PARVB: variants seen among roughly 807,000 people sequenced by gnomAD.
The protein encoded by PARVB is parvin beta, also known as beta-parvin.
Under a neutral mutation model 47.0 loss-of-function variants are expected in PARVB, and 46 were observed. That is an observed-to-expected ratio of 0.98 (90% CI 0.77 to 1.25). The LOEUF is 1.25. Ranked by LOEUF, PARVB falls within the 50% of genes most tolerant of loss-of-function variation. PARVB has a pLI of 0.00. For synonymous variants in PARVB, 196 were observed against 196.3 expected, an observed-to-expected ratio of 1.00 and a Z score of 0.01; for missense variants, 473 against 471.6, an observed-to-expected ratio of 1.00 and a Z score of -0.03.
upstream of PARVB, among the ~76,000 whole-genome samples, chr22:44,023,527 T>TAAAACAAAACAAAAC (rs1017139457): frequency 7.9e-4 from 74 of 93,326 alleles, no homozygotes; most frequent in Non-Finnish European, 7.8e-4. Context: ...TAAAATAAAA[T>TAAAACAAAACAAAAC]AAAACAAAAC....
chr22:43,999,661 G>T (rs2050391160), exon 2 of PARVB: 1 of 1,612,718 alleles, frequency 6.2e-7, no homozygotes, highest in Non-Finnish European at 8.5e-7. Flanking sequence ...ATCTGAATAT[G>T]CTCAAGGAGG....
upstream of PARVB, among the ~76,000 whole-genome samples, chr22:44,022,829 T>C (rs1233441681): frequency 6.6e-6 from 1 of 151,844 alleles, no homozygotes; most frequent in Non-Finnish European, 1.5e-5. Flanking sequence ...CCACTGCAAC[T>C]TCCACCTCCC....
rs1246936063 is a variant in PARVB, at chr22:44,068,792, T to A, written c.113-25136T>A. ...GGCAGTGGGAGGCCAATGTCTGTTG[T>A]TCAGTTTAGCTCTGAGCCACGTGCA... On this transcript the variant is annotated intron_variant, in intron 1 of 12. Coordinates refer to ENST00000338758, the MANE Select transcript of PARVB (RefSeq NM_013327.5). The surrounding 1 kb of genome is among the most constrained non-coding windows in gnomAD (Gnocchi z 4.1). Among the ~76,000 whole-genome samples the A allele has an allele frequency of 1.3e-5, 2 of 152,144 alleles. No individual in the cohort carries two copies. Among genetic ancestry groups the A allele is most frequent in the Non-Finnish European group, 2.9e-5 (2 of 68,010 alleles).
At chr22:44,085,746 T>C (rs1448246354) in intron 1 of PARVB, among the ~76,000 whole-genome samples, 4 of 152,114 alleles carry the variant, frequency 2.6e-5, no homozygotes, top group African/African-American at 9.7e-5. Flanking sequence ...ACGTCTTCCC[T>C]CGGCTACACG....
intron 2 of PARVB, among the ~76,000 whole-genome samples, chr22:44,097,070 C>T (rs753483965): frequency 2.6e-5 from 4 of 152,124 alleles, no homozygotes; most frequent in Admixed American, 1.3e-4. Flanking sequence ...TTGGAGCCAC[C>T]GAGAGGAGCA....
intron 7 of PARVB, among the ~76,000 whole-genome samples, chr22:44,136,773 G>A (rs2053450669): frequency 6.6e-6 from 1 of 152,222 alleles, no homozygotes; most frequent in African/African-American, 2.4e-5. Context: ...CTTAAAAGGT[G>A]AGCTGTAAGA....
chr22:44,038,708 G>A (rs145380003), intron 1 of PARVB, among the ~76,000 whole-genome samples: 61 of 152,266 alleles, frequency 4.0e-4, no homozygotes, highest in Non-Finnish European at 7.2e-4. Flanking sequence ...CTTGAACCCA[G>A]GAGGTGGACG....
At chr22:44,022,164 C>T (rs1365140560), upstream of PARVB, among the ~76,000 whole-genome samples, 1 of 152,036 alleles carries the variant, frequency 6.6e-6, no homozygotes, top group Non-Finnish European at 1.5e-5. Flanking sequence ...TTCCCGTAGA[C>T]CTTGTTATTT....
At chr22:44,164,166 A>G (rs776244174) in intron 12 of PARVB, among the ~76,000 whole-genome samples, 2 of 152,214 alleles carry the variant, frequency 1.3e-5, no homozygotes, top group African/African-American at 2.4e-5. Context: ...ACTTTGAAGG[A>G]CGTGGCCTCT....
In PARVB at chr22:44,168,679, C is replaced by T. The variant is rs202107553; in HGVS notation, c.*1C>T. ...CACCAAGTACAAGAACGTGGAGTGACGGGGGAGCTGTGGATGGTGGCAGGA... is the reference window on the plus strand; with the variant it reads ...CACCAAGTACAAGAACGTGGAGTGATGGGGGAGCTGTGGATGGTGGCAGGA... On this transcript the variant is annotated 3_prime_UTR_variant, in exon 13 of 13. Transcript: ENST00000338758. The T allele has an allele frequency of 3.8e-5, 61 of 1,602,872 alleles. No homozygotes were observed. The highest frequency in any genetic ancestry group is 2.3e-4 in the South Asian group (21 of 90,858).
chr22:44,140,678 G>C, intron 8 of PARVB: 1 of 495,458 alleles, frequency 2.0e-6, no homozygotes, highest in East Asian at 5.6e-5. Flanking sequence ...CCGTGAAATG[G>C]GAGTGTAAAA....
intron 2 of PARVB, chr22:43,999,723 G>C: frequency 7.4e-7 from 1 of 1,345,082 alleles, no homozygotes; most frequent in Non-Finnish European, 1.1e-6. Context: ...GCTGGGTGCA[G>C]TGGCTCATGC....
chr22:44,146,471 C>G (rs2053686194), intron 8 of PARVB: 1 of 152,442 alleles, frequency 6.6e-6, no homozygotes, highest in South Asian at 2.1e-4. Flanking sequence ...CTTTCCTTCT[C>G]TCCTTTCCTC....
At position 44,155,058 on chromosome 22, in the gene PARVB, GGTT is replaced by G; in HGVS notation, c.844-2923_844-2921del. ...GTGGTGTGTGTGTGTGTGTGTGTGT[GGTT>G]TTTGTAGTCTGTGTGGTGTGTGTGT... On this transcript the variant is annotated intron_variant, in intron 10 of 12. Coordinates refer to ENST00000338758, the MANE Select transcript of PARVB (RefSeq NM_013327.5). This position sits in a 1 kb window ranked among gnomAD's most constrained non-coding sequence, Gnocchi z 4.8. 2.2e-5 allele frequency among the ~76,000 whole-genome samples: 3 copies of G among 133,676 alleles called. No individual in the cohort carries two copies. The highest frequency in any genetic ancestry group is 3.3e-5 in the African/African-American group (1 of 30,714). The allele number at this position is 133,676 out of a possible 152,430, so 87.7% of individuals were successfully genotyped here. A position where few individuals can be genotyped will look rare whatever the true frequency, so the allele number is the denominator to read the frequency against.
intron 10 of PARVB, among the ~76,000 whole-genome samples, chr22:44,156,748 A>G (rs1285839001): frequency 6.6e-6 from 1 of 152,246 alleles, no homozygotes; most frequent in African/African-American, 2.4e-5. Flanking sequence ...TTAATTAAAG[A>G]GAAAGGTTAG....
chr22:44,162,520 C>T (rs1234060720), intron 11 of PARVB, among the ~76,000 whole-genome samples: 3 of 49,786 alleles, frequency 6.0e-5, no homozygotes, highest in Non-Finnish European at 1.2e-4. Context: ...TGGGGTTTCA[C>T]CCATTGGTCA....
chr22:44,145,948 T>C (rs1351269629), intron 8 of PARVB: 2 of 152,142 alleles, frequency 1.3e-5, no homozygotes, highest in Non-Finnish European at 2.9e-5. Context: ...TTATTGAGTG[T>C]AGTCTTAGAT....
chr22:44,091,513 C>T (rs2052166865), intron 1 of PARVB, among the ~76,000 whole-genome samples: 1 of 152,146 alleles, frequency 6.6e-6, no homozygotes, highest in Non-Finnish European at 1.5e-5. Flanking sequence ...ATCCACCAGA[C>T]TGCTTTCTCC....
chr22:44,146,128 C>G (rs1319265494), intron 8 of PARVB: 1 of 150,180 alleles, frequency 6.7e-6, no homozygotes, highest in Non-Finnish European at 1.5e-5. Context: ...CACACGCTCA[C>G]ACGTGCTCAC....
Sources: gnomAD v4.1 joint callset for allele counts (sites outside exome capture counted in the v4.1 genomes callset) on GRCh38, gnomAD v4.1.1 for gene constraint, Gnocchi (gnomAD v3.1) non-coding constraint, MANE v1.5 for transcripts, NCBI Gene and HGNC (gene_info 2026-07-23, HGNC 2026-07-21) for gene names.